The following ZNF160 variants were observed in gnomAD, a reference collection of about 807,000 sequenced individuals.
ZNF160 encodes the protein KRAB zinc finger protein KR18.
ZNF160 carries 9 observed loss-of-function variants against 13.1 expected under a neutral mutation model. The ratio of observed to expected loss-of-function variants is 0.69; its 90% CI spans 0.41 to 1.20. The LOEUF (loss-of-function observed/expected upper bound fraction) is 1.20, where lower values mean the gene tolerates loss of function less well. Among genes scored for constraint, ZNF160 ranks in the 50% most tolerant of loss-of-function variants. The pLI, the probability that ZNF160 is intolerant of heterozygous loss-of-function variation, is 0.01. For missense variants in ZNF160, 838 were observed against 988.0 expected (o/e 0.85, Z 2.04); for synonymous variants, 293 against 333.2 (o/e 0.88, Z 1.31).
chr19:53,081,859 G>T (rs970206500), intron 3 of ZNF160, among the ~76,000 whole-genome samples: 1 of 152,160 alleles, frequency 6.6e-6, no homozygotes, highest in Non-Finnish European at 1.5e-5. Context: ...CAAAGACATG[G>T]AATCAACCTT....
At chr19:53,099,319 T>C (rs935386728) in intron 1 of ZNF160, among the ~76,000 whole-genome samples, 1 of 152,042 alleles carries the variant, frequency 6.6e-6, no homozygotes, top group Admixed American at 6.6e-5. Context: ...GGACAAAGAC[T>C]GAGACAGGAA....
chr19:53,079,936 C>T (rs1022568073), intron 3 of ZNF160, among the ~76,000 whole-genome samples: 2 of 151,700 alleles, frequency 1.3e-5, no homozygotes, highest in Admixed American at 6.6e-5. Context: ...TTAGCAACGA[C>T]AACAAAAACA....
At position 53,068,693 on chromosome 19, in the gene ZNF160, A is replaced by C. The variant is rs1313041540; in HGVS notation, c.1841T>G (p.Ile614Arg). The C allele has an allele frequency of 6.2e-7, 1 of 1,614,058 alleles. No homozygotes were observed. Among genetic ancestry groups the C allele is most frequent in the Non-Finnish European group, 8.5e-7 (1 of 1,180,038 alleles). ...DRSSLTFHQAIHTGEKPYKCH... is the reference protein window; with the variant it reads ...DRSSLTFHQARHTGEKPYKCH... ...TTTGTAAGGTTTCTCTCCAGTATGT[A>C]TTGCCTGATGAAAAGTTAGGCTTGA... Residue 614 changes from isoleucine (I) to arginine (R), a missense_variant, in exon 6 of 6, where the codon ATA becomes AGA. Physicochemically the swap from Ile to Arg is moderately conservative, Grantham distance 97. Coordinates refer to ENST00000683776, the MANE Select transcript of ZNF160 (RefSeq NM_001322131.2).
At chr19:53,093,206 G>A (rs781746801) in intron 1 of ZNF160, among the ~76,000 whole-genome samples, 1 of 152,162 alleles carries the variant, frequency 6.6e-6, no homozygotes, top group Non-Finnish European at 1.5e-5. Flanking sequence ...TTGGGAGGCC[G>A]AGGCAGGTGG....
intron 3 of ZNF160, chr19:53,075,783 C>T (rs1253919316): frequency 1.9e-6 from 1 of 518,938 alleles, no homozygotes; most frequent in Non-Finnish European, 3.8e-6. Context: ...GCCACTCAAG[C>T]AAACTAATCA....
chr19:53,077,969 T>C (rs1053249859), intron 3 of ZNF160, among the ~76,000 whole-genome samples: 10 of 151,934 alleles, frequency 6.6e-5, no homozygotes, highest in East Asian at 1.9e-4. Flanking sequence ...GAGCCAGGCG[T>C]GATGGCTCAC....
chr19:53,102,142 C>T (rs1366417419), intron 1 of ZNF160, among the ~76,000 whole-genome samples: 1 of 152,112 alleles, frequency 6.6e-6, no homozygotes, highest in Non-Finnish European at 1.5e-5. Flanking sequence ...TATATCTGTT[C>T]TACTCCATTC....
chr19:53,102,364 T>C (rs891938027), intron 1 of ZNF160, among the ~76,000 whole-genome samples: 3 of 152,160 alleles, frequency 2.0e-5, no homozygotes, highest in Non-Finnish European at 4.4e-5. Context: ...CTGCTCGCCT[T>C]GTCACCAGCT....
At chr19:53,097,367 T>C (rs1427273732) in intron 1 of ZNF160, among the ~76,000 whole-genome samples, 1 of 148,444 alleles carries the variant, frequency 6.7e-6, no homozygotes, top group East Asian at 2.0e-4. Context: ...ATGAAAGCCA[T>C]CTGCGCCTGA....
chr19:53,092,990 T>C (rs2085090429), intron 1 of ZNF160, among the ~76,000 whole-genome samples: 1 of 152,150 alleles, frequency 6.6e-6, no homozygotes, highest in Non-Finnish European at 1.5e-5. Context: ...AGCAAAGAAA[T>C]GATTTGATTT....
At chr19:53,080,576 C>T (rs530286511) in intron 3 of ZNF160, among the ~76,000 whole-genome samples, 2 of 150,812 alleles carry the variant, frequency 1.3e-5, no homozygotes, top group Non-Finnish European at 3.0e-5. Context: ...AATCAGACAA[C>T]ACGAACAAAT....
intron 1 of ZNF160, among the ~76,000 whole-genome samples, chr19:53,102,812 G>A (rs2085495438): frequency 6.6e-6 from 1 of 152,172 alleles, no homozygotes; most frequent in South Asian, 2.1e-4. Context: ...AACACCGGGT[G>A]TCACAGGACG....
chr19:53,070,366 A>C (rs2084123289), intron 5 of ZNF160, 104 bp from the exon 6 acceptor site: 1 of 1,189,672 alleles, frequency 8.4e-7, no homozygotes, highest in Non-Finnish European at 1.1e-6. Flanking sequence ...TATATTGAAC[A>C]GACTTTGGAA....
intron 1 of ZNF160, among the ~76,000 whole-genome samples, chr19:53,098,765 C>T (rs1199125190): frequency 6.6e-6 from 1 of 151,382 alleles, no homozygotes; most frequent in Non-Finnish European, 1.5e-5. Context: ...AAAGCCCCTG[C>T]CCAGGATGGC....
chr19:53,090,610 C>A (rs1170272304), intron 2 of ZNF160, among the ~76,000 whole-genome samples: 1 of 152,178 alleles, frequency 6.6e-6, no homozygotes, highest in Non-Finnish European at 1.5e-5. Flanking sequence ...ACAGACAGGC[C>A]CAAGTCACCT....
At chr19:53,077,164 G>A (rs1261602045) in intron 3 of ZNF160, 1 of 152,240 alleles carries the variant, frequency 6.6e-6, no homozygotes, top group East Asian at 1.9e-4. Context: ...ACAGCCGGCA[G>A]ACAACAGAGG....
chr19:53,080,004 G>A (rs2084564530), intron 3 of ZNF160, among the ~76,000 whole-genome samples: 1 of 151,800 alleles, frequency 6.6e-6, no homozygotes, highest in South Asian at 2.1e-4. Flanking sequence ...ATATGATTCT[G>A]TATCTAAAAA....
chr19:53,102,713 T>C (rs534608970), intron 1 of ZNF160, among the ~76,000 whole-genome samples: 4 of 152,310 alleles, frequency 2.6e-5, no homozygotes, highest in Non-Finnish European at 5.9e-5. Flanking sequence ...CCTGATTCCC[T>C]TGGGCCACAC....
At chr19:53,089,106 AG>A (rs961587225) in intron 2 of ZNF160, among the ~76,000 whole-genome samples, 12 of 152,190 alleles carry the variant, frequency 7.9e-5, no homozygotes, top group Admixed American at 1.3e-4. Flanking sequence ...CAACCTGAGG[AG>A]GGGGGTCAAG....
Sources: gnomAD v4.1 joint callset for allele counts (sites outside exome capture counted in the v4.1 genomes callset) on GRCh38, gnomAD v4.1.1 for gene constraint, MANE v1.5 for transcripts, NCBI Gene and HGNC (gene_info 2026-07-23, HGNC 2026-07-21) for gene names.